The following FBXO10 variants were observed in gnomAD, a reference collection of about 807,000 sequenced individuals.
FBXO10 encodes the protein F-box protein 10, also known as F-box only protein 10.
FBXO10 carries 39 observed loss-of-function variants against 80.7 expected under a neutral mutation model. The observed-to-expected ratio is 0.48, with a 90% CI of 0.37 to 0.63. FBXO10 has a LOEUF of 0.63. Among genes scored for constraint, FBXO10 ranks in the 30% least tolerant of loss-of-function variants. The pLI, the probability that FBXO10 is intolerant of heterozygous loss-of-function variation, is 0.00. For synonymous variants in FBXO10, 449 were observed against 489.6 expected (o/e 0.92, Z 1.09); for missense variants, 1,025 against 1,269.0 (o/e 0.81, Z 2.92).
chr9:37,516,167 TA>T lies in FBXO10; in HGVS notation c.2515-83del, dbSNP rs1821175204. ...AGCTGGGCAAGTGAATTATCAGTTC[TA>T]AAACCAAGAGGCAGGAACATGCCAG... is the stretch of plus-strand genomic sequence containing the variant. On this transcript the variant is annotated intron_variant, in intron 9 of 10. Transcript: ENST00000432825. The T allele has an allele frequency of 3.4e-6, 5 of 1,454,242 alleles. No homozygotes were observed. In the Admixed American group the frequency reaches 1.2e-4, roughly 34 times the overall value. 90.1% of individuals were successfully genotyped at this position (1,454,242 alleles called of 1,614,324 possible).
intron 3 of FBXO10, chr9:37,535,963 C>A (rs982319759): frequency 6.6e-6 from 1 of 152,202 alleles, no homozygotes; most frequent in Non-Finnish European, 1.5e-5. Flanking sequence ...ATCCTTTCAT[C>A]GTGGTAGTCA....
intron 1 of FBXO10, chr9:37,575,680 AG>A (rs979457814): frequency 2.8e-4 from 42 of 152,404 alleles, no homozygotes; most frequent in African/African-American, 9.4e-4. Context: ...GAGGCAGGAC[AG>A]GGGTTATCAC....
At position 37,537,577 on chromosome 9, in the gene FBXO10, T is replaced by C. The variant is rs1358273502; in HGVS notation, c.952A>G (p.Ser318Gly). 1 of 1,613,742 alleles carries C rather than the reference T, an allele frequency of 6.2e-7. No individual in the cohort carries two copies. Among genetic ancestry groups the C allele is most frequent in the Admixed American group, 1.7e-5 (1 of 59,968 alleles). The change falls in exon 3 of 11, where the codon AGC becomes GGC. Residue 318 changes from serine (S) to glycine (G), a missense_variant. Transcript: ENST00000432825. The stretch of plus-strand genomic sequence containing the variant: ...GAGCTAGAGGCTGGGCTGGTAGGGC[T>C]CTGGCTGCCCTCGATAACAATGTCA... Reference protein sequence around the residue: ...TCDIVIEGSQSPTSPASSSPK... With the variant: ...TCDIVIEGSQGPTSPASSSPK...
chr9:37,554,475 T>C (rs1423400509), intron 1 of FBXO10, among the ~76,000 whole-genome samples: 1 of 152,184 alleles, frequency 6.6e-6, no homozygotes, highest in East Asian at 1.9e-4. Flanking sequence ...ATTTGCAGAA[T>C]TGACAGATGC....
intron 1 of FBXO10, among the ~76,000 whole-genome samples, chr9:37,570,249 G>C (rs2119200822): frequency 6.6e-6 from 1 of 152,222 alleles, no homozygotes; most frequent in South Asian, 2.1e-4. Context: ...GGGAGGTGGA[G>C]GTTGCAGTGA....
chr9:37,516,706 C>T (rs1821185132), intron 9 of FBXO10, among the ~76,000 whole-genome samples: 1 of 152,190 alleles, frequency 6.6e-6, no homozygotes, highest in South Asian at 2.1e-4. Flanking sequence ...TGGCTCACAC[C>T]TGTAATCCCA....
In FBXO10 at chr9:37,565,171, G is replaced by A. The variant is rs184113537; in HGVS notation, c.-7+11040C>T. On this transcript the variant is annotated intron_variant, in intron 1 of 10. Coordinates refer to ENST00000432825, the MANE Select transcript of FBXO10 (RefSeq NM_012166.3). Reference sequence around the variant, plus strand: ...CTCTCTCCTGCCACCCTGTGAAGAGGTGCCTTTCACCATGATTGTAAGTTT... The same window carrying A: ...CTCTCTCCTGCCACCCTGTGAAGAGATGCCTTTCACCATGATTGTAAGTTT... Among the ~76,000 whole-genome samples the A allele has an allele frequency of 3.3e-5, 5 of 152,236 alleles. No individual in the cohort carries two copies. In the East Asian group the frequency reaches 7.7e-4, roughly 24 times the overall value.
chr9:37,531,500 T>C (rs1306501711), intron 4 of FBXO10, among the ~76,000 whole-genome samples: 1 of 152,210 alleles, frequency 6.6e-6, no homozygotes, highest in Non-Finnish European at 1.5e-5. Context: ...CAGAACTAAA[T>C]ACCCGAAATG....
intron 9 of FBXO10, 122 bp downstream of exon 9, chr9:37,518,003 G>A (rs1463268308): frequency 2.9e-6 from 3 of 1,050,022 alleles, no homozygotes; most frequent in Admixed American, 2.6e-5. Context: ...CCTGGCAGGA[G>A]GGATACTGTC....
chr9:37,573,380 A>G (rs1822808365), intron 1 of FBXO10, among the ~76,000 whole-genome samples: 1 of 152,198 alleles, frequency 6.6e-6, no homozygotes, highest in Non-Finnish European at 1.5e-5. Flanking sequence ...AGAATGGCTG[A>G]GCACGCAAGC....
intron 1 of FBXO10, among the ~76,000 whole-genome samples, chr9:37,562,860 A>G (rs1197530613): frequency 6.6e-6 from 1 of 152,200 alleles, no homozygotes; most frequent in Non-Finnish European, 1.5e-5. Context: ...CCCTGCTCTC[A>G]AGTCTGGCAG....
chr9:37,544,914 A>T (rs1196232017), intron 1 of FBXO10, among the ~76,000 whole-genome samples: 1 of 148,614 alleles, frequency 6.7e-6, no homozygotes, highest in Non-Finnish European at 1.5e-5. Context: ...GAATGGCGTG[A>T]ACCCGGGAGG....
intron 1 of FBXO10, among the ~76,000 whole-genome samples, chr9:37,557,356 T>G (rs1822362437): frequency 6.6e-6 from 1 of 152,176 alleles, no homozygotes; most frequent in Non-Finnish European, 1.5e-5. Flanking sequence ...TCTTTACCCC[T>G]TCGGAGGCCT....
At position 37,511,260 on chromosome 9, in the gene FBXO10, T is replaced by A. The variant is rs112483154; in HGVS notation, c.*1287A>T. On this transcript the variant is annotated 3_prime_UTR_variant, in exon 11 of 11. Coordinates refer to ENST00000432825, the MANE Select transcript of FBXO10 (RefSeq NM_012166.3). ...GGGATTGTTCAGGTTGAGCTGGCCC[T>A]GCATCCAGCCCTCTTCCTCAGGCAG... 8 of 152,968 alleles carry A rather than the reference T, an allele frequency of 5.2e-5. No individual in the cohort carries two copies. The highest frequency in any genetic ancestry group is 1.9e-4 in the African/African-American group (8 of 41,564). The allele number at this position is 152,968 out of a possible 1,614,324, so 9.5% of individuals were successfully genotyped here.
intron 1 of FBXO10, among the ~76,000 whole-genome samples, chr9:37,556,541 T>TC (rs1482222062): frequency 7.4e-6 from 1 of 135,234 alleles, no homozygotes; most frequent in Non-Finnish European, 1.6e-5. Context: ...GGATTTTTTT[T>TC]TTTTTTTTTT....
intron 1 of FBXO10, among the ~76,000 whole-genome samples, chr9:37,562,900 A>C (rs766050868): frequency 5.3e-5 from 8 of 152,202 alleles, no homozygotes; most frequent in Non-Finnish European, 8.8e-5. Flanking sequence ...AAAAACACCC[A>C]AAAGACAAAA....
rs1172025918 is a variant in FBXO10 at position 37,541,280 on chromosome 9, T to C, written c.489A>G (p.Glu163=). 5.0e-6 allele frequency: 8 copies of C among 1,613,854 alleles called. No individual in the cohort carries two copies. Among genetic ancestry groups the C allele is most frequent in the Admixed American group, 1.7e-5 (1 of 60,004 alleles). Residue 163 remains glutamate (E), a synonymous_variant, in exon 2 of 11, where the codon GAA becomes GAG. Transcript: ENST00000432825. ...GATCAATGCTGGCCAGCAGGGCCAC[T>C]TCACCCAACTTCCCCTGCCCTACAA... The part of the protein sequence containing the change: ...VEIVGQGKLG[E]VALLASIDQH...
chr9:37,553,735 G>A (rs1443821846), intron 1 of FBXO10, among the ~76,000 whole-genome samples: 3 of 138,002 alleles, frequency 2.2e-5, no homozygotes, highest in Admixed American at 7.3e-5. Context: ...GAGAAACCCC[G>A]TCTCTACTAA....
In FBXO10 at chr9:37,531,792, G is replaced by A. The variant is rs1030689415; in HGVS notation, c.1569+117C>T. The stretch of plus-strand genomic sequence containing the variant: ...CAAGGACACGCAGAGGACAGAGCAG[G>A]AGCCACCTGCAAACAGGAAGCACGT... On this transcript the variant is annotated intron_variant, in intron 4 of 10. Coordinates refer to ENST00000432825, the MANE Select transcript of FBXO10 (RefSeq NM_012166.3). 5.6e-5 allele frequency: 62 copies of A among 1,101,668 alleles called. No homozygotes were observed. The African/African-American group carries it at 8.2e-4, about 15-fold the overall frequency. 68.2% of individuals were successfully genotyped at this position (1,101,668 alleles called of 1,614,324 possible). A position where few individuals can be genotyped will look rare whatever the true frequency, so the allele number is the denominator to read the frequency against.
Sources: allele counts gnomAD v4.1 joint callset (sites outside exome capture counted in the v4.1 genomes callset), GRCh38; gene constraint gnomAD v4.1.1; transcripts MANE v1.5; gene names NCBI Gene and HGNC (gene_info 2026-07-23, HGNC 2026-07-21).